DCLK1: variants seen among roughly 807,000 people sequenced by gnomAD.
The protein encoded by DCLK1 is doublecortin like kinase 1, also known as serine/threonine-protein kinase DCLK1.
In DCLK1, 16 loss-of-function variants were observed where a neutral mutation model predicts 86.2. The observed-to-expected ratio is 0.19, with a 90% confidence interval of 0.13 to 0.28. The LOEUF is 0.28. Among genes scored for constraint, DCLK1 ranks in the 10% least tolerant of loss-of-function variants. DCLK1 has a pLI of 1.00. For synonymous variants in DCLK1, 369 were observed against 370.5 expected, an observed-to-expected ratio of 1.00 and a Z score of 0.05; for missense variants, 590 against 940.2, an observed-to-expected ratio of 0.63 and a Z score of 4.87.
At chr13:36,112,486 C>T (rs1885651005) in intron 2 of DCLK1, among the ~76,000 whole-genome samples, 1 of 152,122 alleles carries the variant, frequency 6.6e-6, no homozygotes. Flanking sequence ...TGCTGATCTA[C>T]TTGAAAAGAC....
intron 3 of DCLK1, among the ~76,000 whole-genome samples, chr13:35,948,917 C>T (rs1322204093): frequency 6.6e-6 from 1 of 152,196 alleles, no homozygotes; most frequent in Non-Finnish European, 1.5e-5. Context: ...AGAACCCACC[C>T]TCCATTTCAC....
chr13:36,046,495 T>C (rs931801897), intron 3 of DCLK1, among the ~76,000 whole-genome samples: 1 of 152,216 alleles, frequency 6.6e-6, no homozygotes, highest in Non-Finnish European at 1.5e-5. Context: ...AACTGGTTGT[T>C]TGAAATTTCA....
At chr13:36,038,455 C>T (rs781138338) in intron 3 of DCLK1, among the ~76,000 whole-genome samples, 23 of 152,308 alleles carry the variant, frequency 1.5e-4, no homozygotes, top group African/African-American at 5.5e-4. Flanking sequence ...AGATGGAATA[C>T]TGAGGTACCT....
chr13:35,993,816 T>C (rs1024508250), intron 3 of DCLK1, among the ~76,000 whole-genome samples: 3 of 147,262 alleles, frequency 2.0e-5, no homozygotes, highest in East Asian at 4.1e-4. Flanking sequence ...TCAAATTCAA[T>C]TCCTTTCTCT....
At chr13:36,034,256 C>G (rs1008175792) in intron 3 of DCLK1, among the ~76,000 whole-genome samples, 1 of 152,032 alleles carries the variant, frequency 6.6e-6, no homozygotes, top group Admixed American at 6.5e-5. Context: ...ATAGAAACTT[C>G]GTGGTTGTTT....
chr13:35,860,773 T>C (rs1871336866), intron 5 of DCLK1, among the ~76,000 whole-genome samples: 1 of 152,094 alleles, frequency 6.6e-6, no homozygotes, highest in Non-Finnish European at 1.5e-5. Context: ...CAACGTGTCA[T>C]CTGTGAATCA....
intron 3 of DCLK1, 97 bp downstream of exon 3, chr13:36,111,772 T>C: frequency 8.9e-7 from 1 of 1,129,280 alleles, no homozygotes; most frequent in South Asian, 1.5e-5. Flanking sequence ...CCAGGCCCTT[T>C]AACAACTTGA....
At chr13:36,082,834 T>C (rs1884466277) in intron 3 of DCLK1, among the ~76,000 whole-genome samples, 1 of 152,180 alleles carries the variant, frequency 6.6e-6, no homozygotes, top group African/African-American at 2.4e-5. Flanking sequence ...ACCTAGAACT[T>C]TATCTTCATT....
intron 4 of DCLK1, among the ~76,000 whole-genome samples, chr13:35,919,542 C>G (rs1875659931): frequency 6.6e-6 from 1 of 152,184 alleles, no homozygotes. Context: ...TGAGGATCTT[C>G]TTGGAACCCC....
chr13:35,927,050 C>A (rs1876163085), intron 4 of DCLK1, among the ~76,000 whole-genome samples: 1 of 152,160 alleles, frequency 6.6e-6, no homozygotes, highest in Admixed American at 6.5e-5. Context: ...GACTTTGGGC[C>A]CTCACGTAAT....
intron 4 of DCLK1, among the ~76,000 whole-genome samples, chr13:35,878,591 T>TG (rs1327095988): frequency 6.6e-6 from 1 of 152,104 alleles, no homozygotes; most frequent in Non-Finnish European, 1.5e-5. Context: ...ATCTAGTATT[T>TG]GATAGCACAA....
chr13:35,826,321 C>T (rs1476995786), intron 10 of DCLK1, among the ~76,000 whole-genome samples: 2 of 150,064 alleles, frequency 1.3e-5, no homozygotes, highest in African/African-American at 2.4e-5. Context: ...GTTGGGAGTT[C>T]GAGACCAGCC....
intron 3 of DCLK1, among the ~76,000 whole-genome samples, chr13:36,083,991 G>A (rs1009197363): frequency 2.0e-5 from 3 of 151,980 alleles, no homozygotes; most frequent in Admixed American, 6.6e-5. Flanking sequence ...AATAGAAATC[G>A]GTCAAATTGA....
chr13:35,950,315 T>C (rs1002127871), intron 3 of DCLK1, among the ~76,000 whole-genome samples: 1 of 152,214 alleles, frequency 6.6e-6, no homozygotes, highest in African/African-American at 2.4e-5. Flanking sequence ...GATACAGAGG[T>C]AGCTGTAATG....
At chr13:36,092,422 T>C (rs1303369866) in intron 3 of DCLK1, among the ~76,000 whole-genome samples, 1 of 152,082 alleles carries the variant, frequency 6.6e-6, no homozygotes, top group Admixed American at 6.5e-5. Flanking sequence ...TTATTTAACT[T>C]TTAATATAAC....
At position 36,099,712 on chromosome 13, in the gene DCLK1, A is replaced by C. The variant is rs1593889222; in HGVS notation, c.723+12157T>G. On this transcript the variant is annotated intron_variant, in intron 3 of 16. Coordinates refer to ENST00000360631, the MANE Select transcript of DCLK1 (RefSeq NM_001330071.2). ...AAGCACAATCATCTTAATAAAACCC[A>C]GGTGAAACTCTTGATCCAATTTGGC... 2.6e-5 allele frequency among the ~76,000 whole-genome samples: 4 copies of C among 152,362 alleles called. No individual in the cohort carries two copies. In the South Asian group the frequency reaches 6.2e-4, roughly 24 times the overall value.
chr13:36,096,442 C>T (rs1215640607), intron 3 of DCLK1, among the ~76,000 whole-genome samples: 3 of 152,230 alleles, frequency 2.0e-5, no homozygotes, highest in Non-Finnish European at 4.4e-5. Flanking sequence ...GTTCAGTGAA[C>T]ATAATCCCCC....
rs1884627539 is a variant in DCLK1, at chr13:36,086,870, T to C, written c.723+24999A>G. ...CACATTTTCTTTATCTAGTCTATCA[T>C]TGATGGGAATTTGGGTTGGTTCCAA... On this transcript the variant is annotated intron_variant, in intron 3 of 16. Transcript: ENST00000360631. 3.3e-5 allele frequency among the ~76,000 whole-genome samples: 5 copies of C among 152,194 alleles called. No individual in the cohort carries two copies. The South Asian group carries it at 8.3e-4, about 25-fold the overall frequency.
chr13:35,934,955 C>A (rs1395000990), intron 4 of DCLK1, among the ~76,000 whole-genome samples: 3 of 151,762 alleles, frequency 2.0e-5, no homozygotes, highest in Non-Finnish European at 4.4e-5. Context: ...TAATAAAGAG[C>A]AAAGAGCTGG....
Sources: allele counts gnomAD v4.1 joint callset (sites outside exome capture counted in the v4.1 genomes callset), GRCh38; gene constraint gnomAD v4.1.1; transcripts MANE v1.5; gene names NCBI Gene and HGNC (gene_info 2026-07-23, HGNC 2026-07-21).